The following MED9 variants were observed in gnomAD, a reference collection of about 807,000 sequenced individuals.
MED9 encodes mediator of RNA polymerase II transcription subunit 9.
A neutral mutation model predicts 13.2 loss-of-function variants in MED9; 8 were observed. The observed-to-expected ratio is 0.61, with a 90% CI of 0.36 to 1.10. The LOEUF (loss-of-function observed/expected upper bound fraction) is 1.10, where lower values mean the gene tolerates loss of function less well. MED9 is among the 50% of genes least tolerant of loss of function. The pLI is 0.02. For synonymous variants in MED9, 87 were observed against 82.8 expected, an observed-to-expected ratio of 1.05 and a Z score of -0.28; for missense variants, 180 against 193.4, an observed-to-expected ratio of 0.93 and a Z score of 0.41.
At chr17:17,485,055 G>T (rs908689512) in intron 1 of MED9, 2 of 262,576 alleles carry the variant, frequency 7.6e-6, no homozygotes, top group East Asian at 6.5e-5. Flanking sequence ...GCCCAGGCTG[G>T]AGTACAGTGG....
chr17:17,488,733 C>T (rs1201236900), intron 1 of MED9, among the ~76,000 whole-genome samples: 2 of 151,698 alleles, frequency 1.3e-5, no homozygotes, highest in East Asian at 1.9e-4. Flanking sequence ...CTCAGGAGGC[C>T]GAGGCAGGAG....
intron 1 of MED9, among the ~76,000 whole-genome samples, chr17:17,478,824 T>C (rs993661215): frequency 4.0e-5 from 6 of 148,948 alleles, no homozygotes; most frequent in Admixed American, 6.7e-5. Context: ...GCCATTGCAC[T>C]CCAGCCTGGG....
intron 1 of MED9, among the ~76,000 whole-genome samples, chr17:17,477,835 A>G (rs990722954): frequency 1.3e-5 from 2 of 152,224 alleles, no homozygotes; most frequent in Non-Finnish European, 2.9e-5. Context: ...GCCTCAGATG[A>G]TTAGACCCAC....
chr17:17,486,645 T>A (rs1905135464), intron 1 of MED9: 1 of 155,424 alleles, frequency 6.4e-6, no homozygotes, highest in Admixed American at 6.5e-5. Flanking sequence ...ACCCACTCCA[T>A]GGGCTCCTGT....
At chr17:17,491,162 A>G (rs1353459924) in intron 1 of MED9, 117 bp from the exon 2 acceptor site, 18 of 1,002,776 alleles carry the variant, frequency 1.8e-5, no homozygotes, top group Admixed American at 2.0e-5. Context: ...ATAGACACAT[A>G]AAACGAAGTG....
chr17:17,491,502 G>A lies in MED9; in HGVS notation c.*7G>A, dbSNP rs756794616. On this transcript the variant is annotated 3_prime_UTR_variant, in exon 2 of 2. Transcript: ENST00000268711. Reference sequence around the variant, plus strand: ...CGAAATCCCCAAGGAGTAGAGTGAGGCTGACTTCCTTAGAAAGAGGGGGAA... The same window carrying A: ...CGAAATCCCCAAGGAGTAGAGTGAGACTGACTTCCTTAGAAAGAGGGGGAA... The A allele has an allele frequency of 6.2e-7, 1 of 1,602,728 alleles. No homozygotes were observed. Among genetic ancestry groups the A allele is most frequent in the South Asian group, 1.1e-5 (1 of 90,812 alleles).
At position 17,477,116 on chromosome 17, in the gene MED9, T is replaced by A; in HGVS notation, c.75T>A (p.Pro25=). 6.2e-7 allele frequency: 1 copy of A among 1,607,220 alleles called. No individual in the cohort carries two copies. The change falls in exon 1 of 2, where the codon CCT becomes CCA. Residue 25 remains proline, a synonymous_variant. Transcript: ENST00000268711. The part of the protein sequence containing the change: ...VLPPTSDQPL[P]DTKPLPPPQP... Reference sequence around the variant, plus strand: ...CGCCAACGTCCGACCAGCCGCTGCCTGACACCAAGCCGCTGCCGCCTCCTC... The same window carrying A: ...CGCCAACGTCCGACCAGCCGCTGCCAGACACCAAGCCGCTGCCGCCTCCTC...
chr17:17,491,740 G>T lies in MED9; in HGVS notation c.*245G>T. ...TGCATAATAACTGGAGTGCCTGCTG[G>T]TGGAAGTCAGAATGCTCCTGGAGGC... is the stretch of plus-strand genomic sequence containing the variant. On this transcript the variant is annotated 3_prime_UTR_variant, in exon 2 of 2. Transcript: ENST00000268711. 2.0e-6 allele frequency: 1 copy of T among 499,292 alleles called. No individual in the cohort carries two copies. The highest frequency in any genetic ancestry group is 3.7e-6 in the Non-Finnish European group (1 of 273,904). 30.9% of individuals were successfully genotyped at this position (499,292 alleles called of 1,614,324 possible). A position where few individuals can be genotyped will look rare whatever the true frequency, so the allele number is the denominator to read the frequency against.
chr17:17,486,547 G>C (rs918225233), intron 1 of MED9: 1 of 155,360 alleles, frequency 6.4e-6, no homozygotes, highest in South Asian at 2.0e-4. Flanking sequence ...CCAGCCCACC[G>C]GCGCTAAGCT....
chr17:17,477,108 C>T lies in MED9; in HGVS notation c.67C>T (p.Pro23Ser). ...EDVLPPTSDQ[P>S]LPDTKPLPPP... ...TGTATTGCCGCCAACGTCCGACCAG[C>T]CGCTGCCTGACACCAAGCCGCTGCC... The change falls in exon 1 of 2, where the codon CCG becomes TCG. Residue 23 changes from proline to serine, a missense_variant. Physicochemically the swap from Pro to Ser is moderately conservative, Grantham distance 74. Transcript: ENST00000268711. 5 of 1,607,026 alleles carry T rather than the reference C, an allele frequency of 3.1e-6. No individual in the cohort carries two copies. Among genetic ancestry groups the T allele is most frequent in the Non-Finnish European group, 3.4e-6 (4 of 1,178,750 alleles).
At position 17,483,307 on chromosome 17, in the gene MED9, C is replaced by T. The variant is rs1905063531; in HGVS notation, c.224+6042C>T. On this transcript the variant is annotated intron_variant, in intron 1 of 1. Transcript: ENST00000268711. This position sits in a 1 kb window ranked among gnomAD's most constrained non-coding sequence, Gnocchi z 4.2. ...AATTGAGCCCAAACTTAGGCCTTTA[C>T]TCAGGGATCTCTGCAGACCATTTTC... 6.6e-6 allele frequency among the ~76,000 whole-genome samples: 1 copy of T among 152,228 alleles called. No individual in the cohort carries two copies. The highest frequency in any genetic ancestry group is 2.4e-5 in the African/African-American group (1 of 41,452).
At chr17:17,485,021 T>A (rs1905100828) in intron 1 of MED9, 1 of 188,520 alleles carries the variant, frequency 5.3e-6, no homozygotes, top group Non-Finnish European at 1.1e-5. Flanking sequence ...ATTTTTTATT[T>A]TTGAAATGGA....
intron 1 of MED9, 86 bp from the exon 2 acceptor site, chr17:17,491,193 A>G: frequency 7.9e-7 from 1 of 1,264,502 alleles, no homozygotes; most frequent in African/African-American, 1.5e-5. Context: ...TATGGCAGGA[A>G]TGACAGCCAG....
chr17:17,485,648 A>G (rs1005448911), intron 1 of MED9: 2 of 268,782 alleles, frequency 7.4e-6, no homozygotes, highest in South Asian at 1.7e-4. Flanking sequence ...CAGCAAGTCT[A>G]TGCTGGATAT....
intron 1 of MED9, among the ~76,000 whole-genome samples, chr17:17,484,777 GTGGGCCCCAGCAGAGGCAAGCCCCA>G (rs1905095771): frequency 6.6e-6 from 1 of 152,232 alleles, no homozygotes. Flanking sequence ...TAACCAGAAG[GTGGGCCCCAGCAGAGGCAAGCCCCA>G]CGAAGGCAGG....
chr17:17,488,540 A>G (rs1476349539), intron 1 of MED9, among the ~76,000 whole-genome samples: 2 of 152,222 alleles, frequency 1.3e-5, no homozygotes, highest in Admixed American at 6.5e-5. Flanking sequence ...CTTTAAAAAA[A>G]CCATAGTAGG....
At chr17:17,490,169 C>T (rs1183340789) in intron 1 of MED9, among the ~76,000 whole-genome samples, 1 of 152,244 alleles carries the variant, frequency 6.6e-6, no homozygotes, top group East Asian at 1.9e-4. Flanking sequence ...AGTGTGGTGG[C>T]TCATGCCTGT....
chr17:17,477,017 C>G lies in MED9; in HGVS notation c.-25C>G. On this transcript the variant is annotated 5_prime_UTR_variant, in exon 1 of 2. Coordinates refer to ENST00000268711, the MANE Select transcript of MED9 (RefSeq NM_018019.3). ...TGCGCGACGCTTTTGGCGACCCGAC[C>G]TCTGGCTAACCTACCCCCGGAGCCA... is the stretch of plus-strand genomic sequence containing the variant. The G allele has an allele frequency of 1.2e-6, 2 of 1,602,676 alleles. No individual in the cohort carries two copies. Among genetic ancestry groups the G allele is most frequent in the East Asian group, 2.2e-5 (1 of 44,832 alleles).
intron 1 of MED9, among the ~76,000 whole-genome samples, chr17:17,478,626 A>G (rs533331082): frequency 5.9e-5 from 9 of 152,272 alleles, no homozygotes; most frequent in African/African-American, 2.2e-4. Context: ...TTGGGAGGCC[A>G]AGGCGGGCGG....
Sources: gnomAD v4.1 joint callset for allele counts (sites outside exome capture counted in the v4.1 genomes callset) on GRCh38, gnomAD v4.1.1 for gene constraint, Gnocchi (gnomAD v3.1) non-coding constraint, MANE v1.5 for transcripts, NCBI Gene and HGNC (gene_info 2026-07-23, HGNC 2026-07-21) for gene names.